The following DCC variants were observed in gnomAD, a reference collection of about 807,000 sequenced individuals.
The protein encoded by DCC is netrin receptor DCC.
In DCC, 58 loss-of-function variants were observed where a neutral mutation model predicts 172.5. The ratio of observed to expected loss-of-function variants is 0.34; its 90% CI spans 0.27 to 0.42. The LOEUF is 0.42. DCC is among the 10% of genes least tolerant of loss of function. DCC has a pLI of 1.00. For missense variants in DCC, 1,740 were observed against 1,791.0 expected, an observed-to-expected ratio of 0.97 and a Z score of 0.51; for synonymous variants, 709 against 644.5, an observed-to-expected ratio of 1.10 and a Z score of -1.52.
chr18:53,333,708 GAAC>G (rs2057558799), intron 14 of DCC, among the ~76,000 whole-genome samples: 1 of 152,168 alleles, frequency 6.6e-6, no homozygotes, highest in African/African-American at 2.4e-5. Context: ...TGTGGTTTGA[GAAC>G]ACCTTGGGGG....
At chr18:53,014,091 C>A (rs1288662135) in intron 5 of DCC, among the ~76,000 whole-genome samples, 1 of 152,096 alleles carries the variant, frequency 6.6e-6, no homozygotes, top group Non-Finnish European at 1.5e-5. Context: ...CTGTCCTTAA[C>A]AATATATTAT....
At position 53,039,198 on chromosome 18, in the gene DCC, G is replaced by A. The variant is rs76518077; in HGVS notation, c.986-24107G>A. On this transcript the variant is annotated intron_variant, in intron 5 of 28. Transcript: ENST00000442544. ...CACTGATCAAACCCTGCATTCACAC[G>A]TTTACTGATGTGTCATATTTTAACA... is the stretch of plus-strand genomic sequence containing the variant. Among the ~76,000 whole-genome samples, 7 of 152,028 alleles carry A rather than the reference G, an allele frequency of 4.6e-5. No individual in the cohort carries two copies. The East Asian group carries it at 1.2e-3, about 25-fold the overall frequency.
intron 1 of DCC, among the ~76,000 whole-genome samples, chr18:52,374,055 A>AT (rs940141127): frequency 9.3e-4 from 138 of 148,148 alleles, no homozygotes; most frequent in African/African-American, 2.6e-3. Context: ...CCACGCCTGG[A>AT]TTTTTTTTTT....
intron 1 of DCC, among the ~76,000 whole-genome samples, chr18:52,616,014 G>A (rs2034374595): frequency 6.6e-6 from 1 of 152,066 alleles, no homozygotes; most frequent in African/African-American, 2.4e-5. Flanking sequence ...CATTTGCAAA[G>A]GTAGAACAGA....
intron 11 of DCC, 151 bp downstream of exon 11, chr18:53,207,968 A>G: frequency 2.8e-6 from 2 of 723,996 alleles, no homozygotes; most frequent in South Asian, 3.2e-5. Flanking sequence ...CTTTCTATCA[A>G]GATACATACT....
chr18:53,018,107 G>C (rs1028857662), intron 5 of DCC, among the ~76,000 whole-genome samples: 1 of 152,042 alleles, frequency 6.6e-6, no homozygotes, highest in East Asian at 1.9e-4. Context: ...ACCATGGCAC[G>C]TGTATACCTA....
chr18:53,021,260 C>T (rs1392564964), intron 5 of DCC, among the ~76,000 whole-genome samples: 1 of 152,136 alleles, frequency 6.6e-6, no homozygotes, highest in Non-Finnish European at 1.5e-5. Context: ...AGTGTTCTAA[C>T]CTCTGAAATC....
At chr18:52,630,292 C>A (rs1323467504) in intron 1 of DCC, among the ~76,000 whole-genome samples, 4 of 152,106 alleles carry the variant, frequency 2.6e-5, no homozygotes, top group Admixed American at 2.6e-4. Context: ...CACAGTGAGA[C>A]AGAGAAGGGC....
chr18:53,285,488 A>G (rs550265837), intron 12 of DCC, among the ~76,000 whole-genome samples: 32 of 152,330 alleles, frequency 2.1e-4, no homozygotes, highest in Middle Eastern at 3.4e-3. Flanking sequence ...AGGTTTGGGA[A>G]CCTTTACCTA....
intron 17 of DCC, among the ~76,000 whole-genome samples, chr18:53,393,914 C>CCTCTCTCTCTCTCTCTCTCTCT (rs1323959382): frequency 5.5e-5 from 6 of 108,166 alleles, no homozygotes; most frequent in African/African-American, 8.9e-5. Context: ...TCTCTCTCTC[C>CCTCTCTCTCTCTCTCTCTCTCT]CTCTCTCCCT....
At chr18:52,379,087 C>T (rs936725409) in intron 1 of DCC, among the ~76,000 whole-genome samples, 2 of 152,216 alleles carry the variant, frequency 1.3e-5, no homozygotes, top group African/African-American at 2.4e-5. Flanking sequence ...TCAAATATTG[C>T]GTAGCAAACC....
chr18:52,446,298 A>T (rs1988121621), intron 1 of DCC, among the ~76,000 whole-genome samples: 2 of 152,184 alleles, frequency 1.3e-5, no homozygotes, highest in African/African-American at 4.8e-5. Flanking sequence ...CTCGATTAAT[A>T]AGGAAAGAAG....
At chr18:52,899,903 A>G (rs1882674343) in intron 2 of DCC, among the ~76,000 whole-genome samples, 1 of 152,206 alleles carries the variant, frequency 6.6e-6, no homozygotes, top group Admixed American at 6.5e-5. Flanking sequence ...TAACAATGAT[A>G]TATATTTTTC....
intron 22 of DCC, among the ~76,000 whole-genome samples, chr18:53,444,100 G>A (rs1599157689): frequency 6.6e-6 from 1 of 152,364 alleles, no homozygotes; most frequent in African/African-American, 2.4e-5. Flanking sequence ...TGATAAAGCA[G>A]TGGTAGGGTT....
chr18:53,318,211 T>C (rs1213987050), intron 13 of DCC, among the ~76,000 whole-genome samples: 2 of 152,222 alleles, frequency 1.3e-5, no homozygotes, highest in African/African-American at 2.4e-5. Flanking sequence ...AAAGAACTTA[T>C]CAATATCTGC....
intron 1 of DCC, among the ~76,000 whole-genome samples, chr18:52,601,799 T>C (rs927641708): frequency 2.6e-5 from 4 of 152,112 alleles, no homozygotes; most frequent in African/African-American, 9.7e-5. Flanking sequence ...GGTCCAATTT[T>C]GCTTCCGTCT....
chr18:53,477,690 C>T (rs2045782649), intron 25 of DCC, among the ~76,000 whole-genome samples: 1 of 152,126 alleles, frequency 6.6e-6, no homozygotes, highest in African/African-American at 2.4e-5. Flanking sequence ...TTAAAACTCA[C>T]AGAGAAAATG....
intron 21 of DCC, among the ~76,000 whole-genome samples, chr18:53,423,249 G>A (rs1411065812): frequency 6.6e-6 from 1 of 152,060 alleles, no homozygotes; most frequent in Non-Finnish European, 1.5e-5. Context: ...CTGTATTTTG[G>A]ATGCCATTTC....
At chr18:53,427,949 TATATAATATAATA>T (rs1911113830) in intron 21 of DCC, among the ~76,000 whole-genome samples, 1 of 70,886 alleles carries the variant, frequency 1.4e-5, no homozygotes, top group Non-Finnish European at 3.0e-5. Context: ...TATATTATAA[TATATAATATAATA>T]ATATAATATA....
Sources: gnomAD v4.1 joint callset for allele counts (sites outside exome capture counted in the v4.1 genomes callset) on GRCh38, gnomAD v4.1.1 for gene constraint, MANE v1.5 for transcripts, NCBI Gene and HGNC (gene_info 2026-07-23, HGNC 2026-07-21) for gene names.